Variants in PRKCB observed in about 807,000 individuals in gnomAD.
PRKCB encodes the protein protein kinase C beta.
PRKCB carries 13 observed loss-of-function variants against 81.5 expected under a neutral mutation model. The ratio of observed to expected loss-of-function variants is 0.16; its 90% CI spans 0.10 to 0.25. The LOEUF (loss-of-function observed/expected upper bound fraction) is 0.25, where lower values mean the gene tolerates loss of function less well. Ranked by LOEUF, PRKCB falls within the 10% of genes least tolerant of loss-of-function variation. The probability of loss-of-function intolerance (pLI) is 1.00; values close to 1 mark genes in which losing one functional copy is unlikely to be tolerated. For missense variants in PRKCB, 509 were observed against 875.7 expected (o/e 0.58, Z 5.29); for synonymous variants, 335 against 321.4 (o/e 1.04, Z -0.45).
chr16:24,064,947 G>A (rs1426755738), intron 5 of PRKCB, among the ~76,000 whole-genome samples: 2 of 148,304 alleles, frequency 1.3e-5, no homozygotes, highest in South Asian at 2.1e-4. Flanking sequence ...TATATAGACC[G>A]AATATATGTA....
At chr16:24,134,788 T>C (rs889523321) in intron 9 of PRKCB, among the ~76,000 whole-genome samples, 1 of 151,530 alleles carries the variant, frequency 6.6e-6, no homozygotes, top group African/African-American at 2.4e-5. Context: ...GGCACACAGT[T>C]GTAGTCCTAG....
intron 4 of PRKCB, 132 bp from the exon 5 acceptor site, chr16:24,035,287 A>G: frequency 8.1e-7 from 1 of 1,232,260 alleles, no homozygotes; most frequent in South Asian, 1.5e-5. Context: ...AGTTGGTCTC[A>G]GCCAGGCTCG....
At chr16:24,091,938 T>C (rs577102114) in intron 5 of PRKCB, among the ~76,000 whole-genome samples, 2 of 152,370 alleles carry the variant, frequency 1.3e-5, no homozygotes, top group South Asian at 4.1e-4. Flanking sequence ...GGGTGATACA[T>C]GGATAATAGG....
chr16:24,141,552 A>G (rs537784325), intron 9 of PRKCB, among the ~76,000 whole-genome samples: 4 of 152,282 alleles, frequency 2.6e-5, no homozygotes, highest in African/African-American at 7.2e-5. Context: ...GTTATCAGAG[A>G]TGAGGTAGCT....
chr16:23,937,015 G>A (rs528117806), intron 2 of PRKCB, among the ~76,000 whole-genome samples: 1 of 152,208 alleles, frequency 6.6e-6, no homozygotes, highest in Non-Finnish European at 1.5e-5. Context: ...ATTGTAGTAG[G>A]TACAGGGTTT....
intron 2 of PRKCB, among the ~76,000 whole-genome samples, chr16:23,958,628 G>T (rs556184654): frequency 1.3e-5 from 2 of 152,128 alleles, no homozygotes; most frequent in East Asian, 3.9e-4. Context: ...ACTTAGCACG[G>T]CACTTGGCAC....
At chr16:24,169,915 T>G (rs1246190675) in intron 10 of PRKCB, among the ~76,000 whole-genome samples, 1 of 152,130 alleles carries the variant, frequency 6.6e-6, no homozygotes, top group African/African-American at 2.4e-5. Flanking sequence ...TAGCTGGGAC[T>G]ACAGGCGCAC....
chr16:23,836,496 G>C, intron 1 of PRKCB, 148 bp downstream of exon 1: 4 of 1,293,450 alleles, frequency 3.1e-6, no homozygotes, highest in Non-Finnish European at 2.1e-6. Context: ...CCTGCTGCCC[G>C]GGACTCCCGG....
At chr16:23,969,795 G>A (rs972085183) in intron 2 of PRKCB, among the ~76,000 whole-genome samples, 11 of 152,094 alleles carry the variant, frequency 7.2e-5, no homozygotes, top group African/African-American at 1.9e-4. Flanking sequence ...GGCCTCTCGG[G>A]AACTTCATTG....
intron 2 of PRKCB, among the ~76,000 whole-genome samples, chr16:23,878,020 G>A (rs985287771): frequency 1.3e-5 from 2 of 152,080 alleles, no homozygotes; most frequent in African/African-American, 2.4e-5. Context: ...TTTTAGTAGA[G>A]ATGGGGTTTC....
Position 23,863,978 on chromosome 16 carries a change from G to A in PRKCB, c.205+26572G>A, listed in dbSNP as rs141174834. Among the ~76,000 whole-genome samples, 29 of 152,124 alleles carry A rather than the reference G, an allele frequency of 1.9e-4. No homozygotes were observed. The East Asian group carries it at 3.7e-3, about 19-fold the overall frequency. ...ACTGCTCTTATTTTTGTACCAGCCC[G>A]TCAGTAATGGGTACAGAGTAAAATC... On this transcript the variant is annotated intron_variant, in intron 2 of 16. Transcript: ENST00000643927.
rs140516885 is a variant in PRKCB, at chr16:24,202,031, G to A, written c.1863+10801G>A. ...AGCCTGGGCAAAAGAGCGAGACTCC[G>A]TCTCAAAAAAAAAAAAAAAGAAAAA... is the stretch of plus-strand genomic sequence containing the variant. On this transcript the variant is annotated intron_variant, in intron 16 of 16. Coordinates refer to ENST00000643927, the MANE Select transcript of PRKCB (RefSeq NM_002738.7). Among the ~76,000 whole-genome samples, 482 of 126,142 alleles carry A rather than the reference G, an allele frequency of 3.8e-3. 15 individuals are homozygous for A. The East Asian group carries it at 0.097, about 25-fold the overall frequency. 82.8% of individuals were successfully genotyped at this position (126,142 alleles called of 152,430 possible).
chr16:24,011,802 A>G (rs936944508), intron 3 of PRKCB, among the ~76,000 whole-genome samples: 4 of 152,222 alleles, frequency 2.6e-5, no homozygotes, highest in Non-Finnish European at 5.9e-5. Context: ...TGCACTTTAA[A>G]TAAGTCACTT....
At chr16:23,970,549 G>A (rs973568180) in intron 2 of PRKCB, among the ~76,000 whole-genome samples, 5 of 152,216 alleles carry the variant, frequency 3.3e-5, no homozygotes, top group Admixed American at 6.5e-5. Context: ...CTTTCATTCA[G>A]CCTTCCCATT....
Position 24,113,085 on chromosome 16 carries a change from T to C in PRKCB, c.918+16T>C. The stretch of plus-strand genomic sequence containing the variant: ...GAAATTTGAGGTGAGGTTTCTTTTC[T>C]TTTTCTCTTCTTTCTTTTTTCTCTT... On this transcript the variant is annotated intron_variant, in intron 8 of 16. Transcript: ENST00000643927. 1.9e-6 allele frequency: 3 copies of C among 1,590,356 alleles called. No individual in the cohort carries two copies. The highest frequency in any genetic ancestry group is 2.6e-6 in the Non-Finnish European group (3 of 1,163,960).
intron 9 of PRKCB, among the ~76,000 whole-genome samples, chr16:24,136,094 G>GC (rs1162499566): frequency 7.0e-6 from 1 of 143,342 alleles, no homozygotes; most frequent in African/African-American, 2.7e-5. Context: ...TGATTGCAGC[G>GC]TGTTTTTTTT....
At chr16:24,011,228 C>A (rs1965199099) in intron 3 of PRKCB, among the ~76,000 whole-genome samples, 1 of 152,106 alleles carries the variant, frequency 6.6e-6, no homozygotes, top group Non-Finnish European at 1.5e-5. Context: ...GGTCGTCCTT[C>A]CCACAATTCC....
At chr16:24,178,812 T>C (rs1967575237) in intron 12 of PRKCB, among the ~76,000 whole-genome samples, 1 of 152,188 alleles carries the variant, frequency 6.6e-6, no homozygotes, top group Non-Finnish European at 1.5e-5. Context: ...GATGCCAGGA[T>C]ATAGTTTTCA....
chr16:23,933,596 T>C (rs896310921), intron 2 of PRKCB, among the ~76,000 whole-genome samples: 5 of 152,098 alleles, frequency 3.3e-5, no homozygotes, highest in Non-Finnish European at 7.3e-5. Flanking sequence ...TATAGACTGG[T>C]TTGCAGAGCC....
Sources: gnomAD v4.1 joint callset for allele counts (sites outside exome capture counted in the v4.1 genomes callset) on GRCh38, gnomAD v4.1.1 for gene constraint, MANE v1.5 for transcripts, NCBI Gene and HGNC (gene_info 2026-07-23, HGNC 2026-07-21) for gene names.